The following RTL4 variants were observed in gnomAD, a reference collection of about 807,000 sequenced individuals.
RTL4 encodes retrotransposon Gag-like protein 4.
Under a neutral mutation model 5.3 loss-of-function variants are expected in RTL4, and 4 were observed. The observed-to-expected ratio is 0.75, with a 90% confidence interval of 0.37 to 1.72. The LOEUF is 1.72. RTL4 is among the 40% of genes most tolerant of loss of function. The pLI, the probability that RTL4 is intolerant of heterozygous loss-of-function variation, is 0.04. For synonymous variants in RTL4, 98 were observed against 87.3 expected, an observed-to-expected ratio of 1.12 and a Z score of -0.68; for missense variants, 260 against 227.1, an observed-to-expected ratio of 1.14 and a Z score of -0.93.
the RTL4 span, among the ~76,000 whole-genome samples, chrX:112,309,831 T>C: frequency 3.7e-5 from 4 of 107,315 alleles, no homozygotes; most frequent in African/African-American, 1.4e-4. Flanking sequence ...TACATATATA[T>C]ACATATATGT....
chrX:112,323,482 A>T, the RTL4 span, among the ~76,000 whole-genome samples: 6 of 109,308 alleles, frequency 5.5e-5, no homozygotes, highest in Non-Finnish European at 5.7e-5. Flanking sequence ...ATTTTATTTT[A>T]TTTATTTTAT....
At chrX:112,404,655 A>T in the RTL4 span, among the ~76,000 whole-genome samples, 2 of 112,670 alleles carry the variant, frequency 1.8e-5, no homozygotes, top group African/African-American at 3.2e-5. Context: ...TAAATCTGCC[A>T]CATCACTTCC....
chrX:112,409,810 A>G, the RTL4 span, among the ~76,000 whole-genome samples: 1 of 111,512 alleles, frequency 9.0e-6, no homozygotes. Flanking sequence ...AGAAGGGAAG[A>G]AGGAAGAGAA....
chrX:112,207,645 T>G, the RTL4 span, among the ~76,000 whole-genome samples: 218 of 110,228 alleles, frequency 2.0e-3, 2 homozygotes, highest in African/African-American at 6.8e-3. Flanking sequence ...CATTGTTTTT[T>G]TTTTTTTTTC....
At chrX:112,094,332 A>G in the RTL4 span, among the ~76,000 whole-genome samples, 1 of 111,249 alleles carries the variant, frequency 9.0e-6, no homozygotes, top group Non-Finnish European at 1.9e-5. Context: ...TAGTGATACC[A>G]TTTCACTGAA....
At chrX:112,270,653 C>T in the RTL4 span, among the ~76,000 whole-genome samples, 17 of 111,067 alleles carry the variant, frequency 1.5e-4, no homozygotes, top group Admixed American at 4.8e-4. Context: ...CTCATCTAGA[C>T]AGCTAGCAGA....
At chrX:112,454,933 G>A (rs1211674704) in exon 1 of RTL4, 2 of 1,208,091 alleles carry the variant, frequency 1.7e-6, no homozygotes, top group Admixed American at 2.2e-5. Context: ...TGGTGACCCT[G>A]CCAATTGCTC....
chrX:112,336,213 C>T, the RTL4 span, among the ~76,000 whole-genome samples: 1 of 111,897 alleles, frequency 8.9e-6, no homozygotes, highest in African/African-American at 3.2e-5. Flanking sequence ...GATGTAAGTT[C>T]GTATAGAAAG....
the RTL4 span, among the ~76,000 whole-genome samples, chrX:112,091,067 T>C: frequency 1.8e-5 from 2 of 111,579 alleles, no homozygotes; most frequent in Non-Finnish European, 3.8e-5. Context: ...TCTCTTATGA[T>C]TATTTTTATT....
At chrX:112,442,545 G>T in the RTL4 span, among the ~76,000 whole-genome samples, 1 of 110,980 alleles carries the variant, frequency 9.0e-6, no homozygotes, top group Admixed American at 9.6e-5. Context: ...CACTGTGCCT[G>T]GCCTCTTTGC....
the RTL4 span, among the ~76,000 whole-genome samples, chrX:112,309,057 G>A: frequency 1.8e-5 from 2 of 111,653 alleles, no homozygotes; most frequent in East Asian, 5.6e-4. Context: ...GACTTCTAGA[G>A]TATTTAAACC....
chrX:112,086,280 TACA>T, the RTL4 span, among the ~76,000 whole-genome samples: 1 of 112,554 alleles, frequency 8.9e-6, no homozygotes, highest in Non-Finnish European at 1.9e-5. Context: ...TAAAAATGAC[TACA>T]ACATCACAAA....
chrX:112,420,553 T>C, the RTL4 span, among the ~76,000 whole-genome samples: 1 of 111,666 alleles, frequency 9.0e-6, no homozygotes, highest in Admixed American at 9.5e-5. Flanking sequence ...ATTTATATCC[T>C]GGCTCTGCCA....
At chrX:112,212,386 T>A in the RTL4 span, among the ~76,000 whole-genome samples, 214 of 111,256 alleles carry the variant, frequency 1.9e-3, 1 homozygote, top group Middle Eastern at 4.7e-3. Flanking sequence ...AAAAAAAAAA[T>A]AAAATAAAAA....
the RTL4 span, among the ~76,000 whole-genome samples, chrX:112,169,007 T>C: frequency 1.0e-5 from 1 of 98,504 alleles, no homozygotes; most frequent in Non-Finnish European, 2.0e-5. Flanking sequence ...TTCTTTCCTT[T>C]CTTTCTTTCT....
chrX:112,452,762 T>C (rs1049432471), upstream of RTL4, among the ~76,000 whole-genome samples: 1 of 111,768 alleles, frequency 8.9e-6, no homozygotes, highest in Non-Finnish European at 1.9e-5. Context: ...CCAGGTGCGG[T>C]GGCTCACACC....
At chrX:112,134,088 T>C in the RTL4 span, among the ~76,000 whole-genome samples, 64 of 112,549 alleles carry the variant, frequency 5.7e-4, no homozygotes, top group South Asian at 0.021. Flanking sequence ...CAAATTCTTC[T>C]TTTTAGTTGT....
At chrX:112,413,032 A>T in the RTL4 span, among the ~76,000 whole-genome samples, 1 of 112,163 alleles carries the variant, frequency 8.9e-6, no homozygotes, top group Non-Finnish European at 1.9e-5. Context: ...TAATCATATA[A>T]AAATGGGCAA....
chrX:112,287,913 A>T, the RTL4 span, among the ~76,000 whole-genome samples: 1 of 111,995 alleles, frequency 8.9e-6, no homozygotes, highest in East Asian at 2.8e-4. Flanking sequence ...TCTGAAGATG[A>T]TTTGACAAAG....
Sources: allele counts gnomAD v4.1 joint callset (sites outside exome capture counted in the v4.1 genomes callset), GRCh38; gene constraint gnomAD v4.1.1; transcripts MANE v1.5; gene names NCBI Gene and HGNC (gene_info 2026-07-23, HGNC 2026-07-21).